The following DST variants were observed in gnomAD, a reference collection of about 807,000 sequenced individuals.
DST encodes the protein dystonin.
In DST, 253 loss-of-function variants were observed where a neutral mutation model predicts 875.2. That is an observed-to-expected ratio of 0.29 (90% CI 0.26 to 0.32). The LOEUF (loss-of-function observed/expected upper bound fraction) is 0.32, where lower values mean the gene tolerates loss of function less well. Among genes scored for constraint, DST ranks in the 10% least tolerant of loss-of-function variants. DST has a pLI of 1.00. For missense variants in DST, 8,287 were observed against 9,111.6 expected (o/e 0.91, Z 3.68); for synonymous variants, 3,124 against 3,197.1 (o/e 0.98, Z 0.77).
intron 59 of DST, among the ~76,000 whole-genome samples, chr6:56,556,572 G>C (rs1021673881): frequency 6.6e-6 from 1 of 152,042 alleles, no homozygotes; most frequent in African/African-American, 2.4e-5. Flanking sequence ...ATTATGAACA[G>C]ATATGAATTC....
chr6:56,556,477 A>T (rs975763226), intron 59 of DST, among the ~76,000 whole-genome samples: 1 of 152,136 alleles, frequency 6.6e-6, no homozygotes, highest in African/African-American at 2.4e-5. Flanking sequence ...TTATTTATCT[A>T]TCTATCTCTG....
chr6:56,485,905 G>A (rs939515827), intron 87 of DST, among the ~76,000 whole-genome samples: 8 of 151,904 alleles, frequency 5.3e-5, no homozygotes, highest in African/African-American at 1.5e-4. Flanking sequence ...AATCTTCCTC[G>A]TGCTGTCTCT....
intron 15 of DST, 74 bp from the exon 16 acceptor site, chr6:56,642,577 G>A (rs758737017): frequency 3.1e-6 from 5 of 1,611,344 alleles, no homozygotes; most frequent in East Asian, 2.2e-5. Context: ...GAAAAGTGCT[G>A]CCCATCAAAA....
In DST at chr6:56,515,486, T is replaced by C; in HGVS notation, c.18540A>G (p.Glu6180=). 1 of 1,613,916 alleles carries C rather than the reference T, an allele frequency of 6.2e-7. No homozygotes were observed. Among genetic ancestry groups the C allele is most frequent in the Non-Finnish European group, 8.5e-7 (1 of 1,179,828 alleles). Residue 6180 remains glutamate, a synonymous_variant, in exon 72 of 104, where the codon GAA becomes GAG. Coordinates refer to ENST00000680361, the MANE Select transcript of DST (RefSeq NM_001374736.1). ...CCTGCTGCTGCCTTAGAGTTTCATATTCAAGGGCTGGGGCGGGAAGCTGAG... is the reference window on the plus strand; with the variant it reads ...CCTGCTGCTGCCTTAGAGTTTCATACTCAAGGGCTGGGGCGGGAAGCTGAG... ...IISQLPAPAL[E]YETLRQQQEE...
At chr6:56,576,667 C>T (rs6931836) in intron 50 of DST, among the ~76,000 whole-genome samples, 64,593 of 151,856 alleles carry the variant, frequency 0.43, 14,108 homozygotes, top group African/African-American at 0.48. Context: ...AATCAGGTTT[C>T]CTCTCTCTCT....
At chr6:56,671,633 A>C (rs1335551252) in intron 9 of DST, among the ~76,000 whole-genome samples, 1 of 152,212 alleles carries the variant, frequency 6.6e-6, no homozygotes, top group Non-Finnish European at 1.5e-5. Flanking sequence ...TAATCTGCTG[A>C]TAATTATATT....
At chr6:56,534,037 A>C (rs2096947883) in intron 63 of DST, among the ~76,000 whole-genome samples, 1 of 152,184 alleles carries the variant, frequency 6.6e-6, no homozygotes, top group African/African-American at 2.4e-5. Flanking sequence ...TGATTGACAT[A>C]TCCATCACCT....
intron 4 of DST, among the ~76,000 whole-genome samples, chr6:56,844,660 G>A (rs564691987): frequency 1.3e-5 from 2 of 152,102 alleles, no homozygotes; most frequent in African/African-American, 4.8e-5. Context: ...GGATCACGAG[G>A]TCAGGAGTTC....
intron 4 of DST, among the ~76,000 whole-genome samples, chr6:56,815,240 T>C (rs2099765211): frequency 6.6e-6 from 1 of 152,158 alleles, no homozygotes; most frequent in Admixed American, 6.5e-5. Context: ...AGGGTATGAA[T>C]AGAAAATGGA....
intron 9 of DST, among the ~76,000 whole-genome samples, chr6:56,673,045 AGGT>A (rs1395219164): frequency 6.6e-6 from 1 of 152,054 alleles, no homozygotes; most frequent in Non-Finnish European, 1.5e-5. Context: ...ACTTGAGCCT[AGGT>A]GTTCAAGACC....
At chr6:56,634,990 G>A (rs762925094) in intron 24 of DST, 37 bp from the exon 25 acceptor site, 2 of 1,537,952 alleles carry the variant, frequency 1.3e-6, no homozygotes, top group Non-Finnish European at 1.8e-6. Flanking sequence ...AGAAGTAAAA[G>A]ACTTGTACTC....
chr6:56,847,002 CAAAAAAAA>C (rs569665465), intron 4 of DST, among the ~76,000 whole-genome samples: 1 of 51,982 alleles, frequency 1.9e-5, no homozygotes, highest in African/African-American at 6.7e-5. Context: ...GACCCTGTCT[CAAAAAAAA>C]AAAAAAAAAA....
At chr6:56,615,674 G>A in intron 36 of DST, 1 of 1,614,012 alleles carries the variant, frequency 6.2e-7, no homozygotes, top group South Asian at 1.1e-5. Context: ...TCTGACATAT[G>A]ACTTTTGATC....
At chr6:56,725,172 C>G (rs547017938) in intron 5 of DST, among the ~76,000 whole-genome samples, 10 of 152,186 alleles carry the variant, frequency 6.6e-5, no homozygotes, top group Admixed American at 2.6e-4. Context: ...AGAGTCTGTG[C>G]TTTTCCCCAC....
At chr6:56,736,231 C>T (rs2099523267) in intron 4 of DST, among the ~76,000 whole-genome samples, 1 of 152,102 alleles carries the variant, frequency 6.6e-6, no homozygotes, top group South Asian at 2.1e-4. Flanking sequence ...AACTGTACAA[C>T]AAAGAAATGC....
In DST at chr6:56,742,607, T is replaced by A. The variant is rs1388300346; in HGVS notation, c.626-7318A>T. Among the ~76,000 whole-genome samples, 3 of 152,134 alleles carry A rather than the reference T, an allele frequency of 2.0e-5. No individual in the cohort carries two copies. The East Asian group carries it at 5.8e-4, about 29-fold the overall frequency. ...TCATTTTAAAGTTGTTCTTAAGAAG[T>A]CCTTTAAAAAAAGTTTTAATTCCCT... On this transcript the variant is annotated intron_variant, in intron 4 of 103. Coordinates refer to ENST00000680361, the MANE Select transcript of DST (RefSeq NM_001374736.1).
chr6:56,751,700 G>A (rs116415159), intron 4 of DST, among the ~76,000 whole-genome samples: 5 of 152,266 alleles, frequency 3.3e-5, no homozygotes, highest in African/African-American at 1.2e-4. Flanking sequence ...CAGACCAAGT[G>A]AGCATTTAGC....
intron 2 of DST, among the ~76,000 whole-genome samples, chr6:56,916,284 T>C (rs1335486997): frequency 6.6e-6 from 1 of 152,176 alleles, no homozygotes; most frequent in Non-Finnish European, 1.5e-5. Flanking sequence ...CTAAGACCCC[T>C]GAGTGTCCTG....
At chr6:56,900,849 G>T (rs1224800576) in intron 2 of DST, among the ~76,000 whole-genome samples, 11 of 146,780 alleles carry the variant, frequency 7.5e-5, no homozygotes. Flanking sequence ...ACATTAAGAA[G>T]TGTTCTTAAT....
Sources: gnomAD v4.1 joint callset for allele counts (sites outside exome capture counted in the v4.1 genomes callset) on GRCh38, gnomAD v4.1.1 for gene constraint, MANE v1.5 for transcripts, NCBI Gene and HGNC (gene_info 2026-07-23, HGNC 2026-07-21) for gene names.